Variants in MYRFL observed in about 807,000 individuals in gnomAD.
MYRFL encodes myelin regulatory factor-like protein.
MYRFL carries 88 observed loss-of-function variants against 109.4 expected under a neutral mutation model. The observed-to-expected ratio is 0.80, with a 90% CI of 0.68 to 0.96. The LOEUF (loss-of-function observed/expected upper bound fraction) is 0.96, where lower values mean the gene tolerates loss of function less well. Ranked by LOEUF, MYRFL falls within the 40% of genes least tolerant of loss-of-function variation. The probability of loss-of-function intolerance (pLI) is 0.00; values close to 1 mark genes in which losing one functional copy is unlikely to be tolerated. For synonymous variants in MYRFL, 324 were observed against 320.9 expected, an observed-to-expected ratio of 1.01 and a Z score of -0.10; for missense variants, 957 against 954.9, an observed-to-expected ratio of 1.00 and a Z score of -0.03.
At chr12:69,847,078 A>G (rs189646776) in intron 1 of MYRFL, among the ~76,000 whole-genome samples, 2 of 152,102 alleles carry the variant, frequency 1.3e-5, no homozygotes, top group Non-Finnish European at 1.5e-5. Context: ...GTTTGAGTTC[A>G]TAACTAGTGG....
intron 19 of MYRFL, among the ~76,000 whole-genome samples, chr12:69,949,885 C>T (rs1955934692): frequency 6.6e-6 from 1 of 152,122 alleles, no homozygotes; most frequent in Non-Finnish European, 1.5e-5. Context: ...TTATTCCTAT[C>T]CACAAGCTGA....
At chr12:69,846,282 G>A (rs1460016488) in intron 1 of MYRFL, among the ~76,000 whole-genome samples, 1 of 151,056 alleles carries the variant, frequency 6.6e-6, no homozygotes, top group Non-Finnish European at 1.5e-5. Flanking sequence ...CTGGTGTGCT[G>A]CACCCATTAA....
intron 15 of MYRFL, among the ~76,000 whole-genome samples, chr12:69,932,130 T>G (rs1955291496): frequency 6.6e-6 from 1 of 152,016 alleles, no homozygotes; most frequent in Admixed American, 6.6e-5. Flanking sequence ...CTTGAAGATC[T>G]TTTGATTTTC....
At chr12:69,868,078 A>T (rs1334562486) in intron 2 of MYRFL, among the ~76,000 whole-genome samples, 1 of 149,876 alleles carries the variant, frequency 6.7e-6, no homozygotes, top group Non-Finnish European at 1.5e-5. Flanking sequence ...GAATTATTTA[A>T]CCCCATCAAG....
chr12:69,851,811 A>G (rs560039805), intron 1 of MYRFL, among the ~76,000 whole-genome samples: 2 of 152,060 alleles, frequency 1.3e-5, no homozygotes, highest in East Asian at 3.9e-4. Flanking sequence ...GACACACACC[A>G]CCATCTTGGC....
At position 69,958,612 on chromosome 12, in the gene MYRFL, T is replaced by C. The variant is rs1271050487; in HGVS notation, c.*81T>C. ...GAAACGAACATCCTCTTGCAACTTCTTTTTTCTTCTTTGTAAAACATTTAC... is the reference window on the plus strand; with the variant it reads ...GAAACGAACATCCTCTTGCAACTTCCTTTTTCTTCTTTGTAAAACATTTAC... On this transcript the variant is annotated 3_prime_UTR_variant, in exon 25 of 25. Coordinates refer to ENST00000552032, the MANE Select transcript of MYRFL (RefSeq NM_182530.3). The C allele has an allele frequency of 9.8e-7, 1 of 1,025,044 alleles. No homozygotes were observed. Among genetic ancestry groups the C allele is most frequent in the African/African-American group, 1.6e-5 (1 of 61,026 alleles). The allele number at this position is 1,025,044 out of a possible 1,614,324, so 63.5% of individuals were successfully genotyped here. A position where few individuals can be genotyped will look rare whatever the true frequency, so the allele number is the denominator to read the frequency against.
intron 2 of MYRFL, among the ~76,000 whole-genome samples, chr12:69,877,943 T>C (rs73136815): frequency 2.6e-5 from 4 of 152,048 alleles, no homozygotes; most frequent in African/African-American, 9.7e-5. Flanking sequence ...CACATTTTTT[T>C]AAAAATAAAA....
chr12:69,943,828 C>T (rs948969550), intron 19 of MYRFL, among the ~76,000 whole-genome samples: 1 of 151,716 alleles, frequency 6.6e-6, no homozygotes, highest in Non-Finnish European at 1.5e-5. Flanking sequence ...AACTCAAACA[C>T]ATTTACAAGA....
chr12:69,895,036 A>G (rs1163099985), intron 8 of MYRFL, among the ~76,000 whole-genome samples: 1 of 152,252 alleles, frequency 6.6e-6, no homozygotes, highest in African/African-American at 2.4e-5. Flanking sequence ...TGGCGGCAGC[A>G]CAAATGAAAG....
At chr12:69,941,399 TACA>T (rs747861678) in intron 19 of MYRFL, among the ~76,000 whole-genome samples, 1,904 of 51,810 alleles carry the variant, frequency 0.037, 27 homozygotes, top group Non-Finnish European at 0.049. Flanking sequence ...ACCGCTCAAC[TACA>T]TGGAAACTGA....
At chr12:69,901,024 A>G (rs1035843471) in intron 10 of MYRFL, among the ~76,000 whole-genome samples, 12 of 152,254 alleles carry the variant, frequency 7.9e-5, no homozygotes, top group Non-Finnish European at 1.3e-4. Flanking sequence ...CAATAACCCT[A>G]TGAGGTGGGT....
At chr12:69,836,323 A>G (rs897185251) in intron 1 of MYRFL, among the ~76,000 whole-genome samples, 1 of 151,810 alleles carries the variant, frequency 6.6e-6, no homozygotes, top group South Asian at 2.1e-4. Flanking sequence ...AGGATGGGGG[A>G]CGTGGCAGGC....
chr12:69,927,558 T>G, intron 14 of MYRFL, 127 bp from the exon 15 acceptor site: 1 of 664,784 alleles, frequency 1.5e-6, no homozygotes, highest in Non-Finnish European at 2.5e-6. Flanking sequence ...CCATGACTTT[T>G]TGTTTTCAAA....
intron 10 of MYRFL, among the ~76,000 whole-genome samples, chr12:69,900,190 G>T (rs1954134850): frequency 1.3e-5 from 2 of 152,174 alleles, no homozygotes; most frequent in Non-Finnish European, 2.9e-5. Flanking sequence ...CACAGTGCGT[G>T]ACATGGGAAA....
intron 15 of MYRFL, among the ~76,000 whole-genome samples, chr12:69,931,322 G>C (rs541228070): frequency 6.6e-6 from 1 of 152,104 alleles, no homozygotes. Context: ...GACGTCCTCC[G>C]AACAGTTTCT....
chr12:69,830,176 C>T (rs940478350), intron 1 of MYRFL, among the ~76,000 whole-genome samples: 70 of 152,000 alleles, frequency 4.6e-4, no homozygotes, highest in African/African-American at 1.7e-3. Flanking sequence ...AGATTACCTC[C>T]TCCAGGAATA....
chr12:69,845,206 C>T (rs1246584758), intron 1 of MYRFL, among the ~76,000 whole-genome samples: 3 of 152,098 alleles, frequency 2.0e-5, no homozygotes, highest in South Asian at 2.1e-4. Context: ...TTATATGTGT[C>T]CCAACCTACC....
At chr12:69,851,858 C>T (rs758731384) in intron 1 of MYRFL, among the ~76,000 whole-genome samples, 6 of 152,072 alleles carry the variant, frequency 3.9e-5, no homozygotes, top group Admixed American at 1.3e-4. Context: ...CATGGGGTTT[C>T]GCTACGTTGC....
chr12:69,861,701 C>G (rs1353217456), intron 2 of MYRFL, among the ~76,000 whole-genome samples: 3 of 151,466 alleles, frequency 2.0e-5, no homozygotes, highest in Non-Finnish European at 4.4e-5. Flanking sequence ...TGTAGGTTGC[C>G]TGTTCACTCT....
Sources: allele counts gnomAD v4.1 joint callset (sites outside exome capture counted in the v4.1 genomes callset), GRCh38; gene constraint gnomAD v4.1.1; transcripts MANE v1.5; gene names NCBI Gene and HGNC (gene_info 2026-07-23, HGNC 2026-07-21).